GLI3: variants seen among roughly 807,000 people sequenced by gnomAD.
GLI3 encodes transcription activator GLI3.
A neutral mutation model predicts 100.8 loss-of-function variants in GLI3; 20 were observed. The observed-to-expected ratio is 0.20, with a 90% CI of 0.14 to 0.29. The LOEUF (loss-of-function observed/expected upper bound fraction) is 0.29, where lower values mean the gene tolerates loss of function less well. Among genes scored for constraint, GLI3 ranks in the 10% least tolerant of loss-of-function variants. GLI3 has a pLI of 1.00. For synonymous variants in GLI3, 938 were observed against 860.5 expected (o/e 1.09, Z -1.58); for missense variants, 2,040 against 2,128.5 (o/e 0.96, Z 0.82).
chr7:41,968,765 AAAG>A (rs1374782111), intron 13 of GLI3, among the ~76,000 whole-genome samples: 1 of 116,124 alleles, frequency 8.6e-6, no homozygotes, highest in Non-Finnish European at 1.7e-5. Context: ...AGAAAGAAGG[AAAG>A]AAAGAAAGAA....
intron 2 of GLI3, among the ~76,000 whole-genome samples, chr7:42,213,339 G>C (rs1788307629): frequency 6.6e-6 from 1 of 152,174 alleles, no homozygotes; most frequent in Non-Finnish European, 1.5e-5. Flanking sequence ...GTTCTCCTCT[G>C]AAATGGTCAC....
At chr7:42,146,470 G>C (rs1392180311) in intron 3 of GLI3, among the ~76,000 whole-genome samples, 2 of 152,206 alleles carry the variant, frequency 1.3e-5, no homozygotes, top group African/African-American at 4.8e-5. Context: ...GGCACAGAGA[G>C]AAAGTTAACG....
chr7:42,132,380 G>A (rs1203033657), intron 3 of GLI3, among the ~76,000 whole-genome samples: 6 of 152,258 alleles, frequency 3.9e-5, no homozygotes, highest in South Asian at 2.1e-4. Context: ...GATTACAGGC[G>A]TGAGCCACCG....
At chr7:42,135,079 G>A (rs1178196326) in intron 3 of GLI3, among the ~76,000 whole-genome samples, 2 of 152,142 alleles carry the variant, frequency 1.3e-5, no homozygotes, top group Admixed American at 6.5e-5. Flanking sequence ...TCTAGGTCCT[G>A]CCTTTTATCT....
chr7:42,047,324 G>A (rs1397390889), intron 5 of GLI3, among the ~76,000 whole-genome samples: 1 of 152,230 alleles, frequency 6.6e-6, no homozygotes, highest in Non-Finnish European at 1.5e-5. Flanking sequence ...TGTTTCCTGA[G>A]ACACTTCATG....
intron 2 of GLI3, among the ~76,000 whole-genome samples, chr7:42,165,645 G>A (rs1787226683): frequency 6.6e-6 from 1 of 152,254 alleles, no homozygotes; most frequent in East Asian, 1.9e-4. Flanking sequence ...CTGGGTTTAG[G>A]CCTTGTCTAT....
chr7:42,036,476 T>C (rs1433857596), intron 7 of GLI3, among the ~76,000 whole-genome samples: 1 of 152,192 alleles, frequency 6.6e-6, no homozygotes, highest in African/African-American at 2.4e-5. Context: ...TGTGTTCTAT[T>C]GGAGAGAAAT....
rs1789114953 is a variant in GLI3 at position 42,259,237 on chromosome 7, T to C, written c.-43+4757A>G. Among the ~76,000 whole-genome samples the C allele has an allele frequency of 2.0e-5, 3 of 152,236 alleles. No homozygotes were observed. In the South Asian group the frequency reaches 6.2e-4, roughly 31 times the overall value. On this transcript the variant is annotated intron_variant, in intron 1 of 2. Coordinates refer to the GLI3 transcript ENST00000678978. ...TTATAAACAAATGCTACCATTTTTG[T>C]GTCTGTGAAGTAAAATAAAGAAGGC...
intron 4 of GLI3, among the ~76,000 whole-genome samples, chr7:42,063,959 G>T (rs973283058): frequency 2.0e-5 from 3 of 152,162 alleles, no homozygotes; most frequent in African/African-American, 7.2e-5. Context: ...ACATTATTGA[G>T]GCTTTTAATA....
intron 8 of GLI3, among the ~76,000 whole-genome samples, 153 bp from the exon 9 acceptor site, chr7:42,025,530 T>C (rs151067372): frequency 1.8e-4 from 27 of 152,326 alleles, no homozygotes; most frequent in African/African-American, 5.1e-4. Context: ...TAAGCAGAGT[T>C]CAGATAGTAT....
chr7:42,226,355 C>T (rs923715203), intron 1 of GLI3, among the ~76,000 whole-genome samples: 7 of 152,148 alleles, frequency 4.6e-5, no homozygotes, highest in Non-Finnish European at 1.0e-4. Flanking sequence ...TCCCAAAATT[C>T]CTTGACAAAC....
Position 42,024,643 on chromosome 7 carries a change from T to A in GLI3, c.1356+621A>T, listed in dbSNP as rs112873346. Among the ~76,000 whole-genome samples, 9 of 152,280 alleles carry A rather than the reference T, an allele frequency of 5.9e-5. 1 individual carries two copies. The highest frequency in any genetic ancestry group is 2.2e-4 in the African/African-American group (9 of 41,558). On this transcript the variant is annotated intron_variant, in intron 9 of 14. Transcript: ENST00000395925. Reference sequence around the variant, plus strand: ...GCCCTATGAGATGATATTATGGGTATAACCTACACATCCTTAAACTGAGGC... The same window carrying A: ...GCCCTATGAGATGATATTATGGGTAAAACCTACACATCCTTAAACTGAGGC...
intron 2 of GLI3, among the ~76,000 whole-genome samples, chr7:42,218,309 G>A (rs1056164397): frequency 6.6e-6 from 1 of 151,750 alleles, no homozygotes; most frequent in African/African-American, 2.4e-5. Flanking sequence ...AAAAAGTCAA[G>A]GAGACAAGAG....
Position 41,965,471 on chromosome 7 carries a change from G to A in GLI3, c.3602C>T (p.Pro1201Leu). 1 of 1,609,128 alleles carries A rather than the reference G, an allele frequency of 6.2e-7. No homozygotes were observed. Among genetic ancestry groups the A allele is most frequent in the South Asian group, 1.1e-5 (1 of 90,998 alleles). Residue 1201 changes from proline to leucine, a missense_variant, in exon 15 of 15, where the codon CCG becomes CTG. By Grantham distance (98) the Pro-to-Leu change is moderately conservative. Transcript: ENST00000395925. ...FGFCNGMVVH[P>L]QNPLRSGPAG... is the part of the protein sequence containing the mutation. ...AGGCCCGCTCCTCAAGGGGTTCTGC[G>A]GGTGGACGACCATGCCGTTGCAGAA...
intron 1 of GLI3, among the ~76,000 whole-genome samples, chr7:42,261,583 G>T (rs1030200902): frequency 3.3e-5 from 5 of 152,112 alleles, no homozygotes; most frequent in African/African-American, 1.2e-4. Context: ...AACAAGGAAA[G>T]ATTTCATAAG....
chr7:42,110,973 C>G (rs1562735623), intron 3 of GLI3, among the ~76,000 whole-genome samples: 1 of 152,128 alleles, frequency 6.6e-6, no homozygotes, highest in Non-Finnish European at 1.5e-5. Context: ...ACCAGTCAAA[C>G]TTGGGTTTGA....
chr7:42,249,173 T>C (rs1318461341), intron 1 of GLI3, among the ~76,000 whole-genome samples: 1 of 152,170 alleles, frequency 6.6e-6, no homozygotes, highest in African/African-American at 2.4e-5. Flanking sequence ...TTACAAACTT[T>C]TTATGTAAAA....
chr7:42,207,689 A>T lies in GLI3; in HGVS notation c.124+15441T>A, dbSNP rs192868513. Among the ~76,000 whole-genome samples, 733 of 152,346 alleles carry T rather than the reference A, an allele frequency of 4.8e-3. 2 individuals are homozygous for T. Among genetic ancestry groups the T allele is most frequent in the African/African-American group, 0.017 (698 of 41,584 alleles). On this transcript the variant is annotated intron_variant, in intron 2 of 14. Transcript: ENST00000395925. ...AGCTATTAAAGCCAAGTTGGAGAAG[A>T]GTGGTTCATGACACAGAAAATGATC...
At chr7:42,106,700 AG>A (rs1785582448) in intron 3 of GLI3, among the ~76,000 whole-genome samples, 1 of 152,238 alleles carries the variant, frequency 6.6e-6, no homozygotes, top group African/African-American at 2.4e-5. Context: ...TCATTTTCAA[AG>A]AATGTCCTCT....
Sources: allele counts gnomAD v4.1 joint callset (sites outside exome capture counted in the v4.1 genomes callset), GRCh38; gene constraint gnomAD v4.1.1; transcripts MANE v1.5; gene names NCBI Gene and HGNC (gene_info 2026-07-23, HGNC 2026-07-21).